Variants in CFDP1 observed in about 807,000 individuals in gnomAD.
CFDP1 encodes chromatin remodeling protein CFDP1, also known as heterochromatin-stabilizing protein CFDP1.
A neutral mutation model predicts 40.1 loss-of-function variants in CFDP1; 31 were observed. That is an observed-to-expected ratio of 0.77 (90% CI 0.58 to 1.04). The LOEUF (loss-of-function observed/expected upper bound fraction) is 1.04, where lower values mean the gene tolerates loss of function less well. Ranked by LOEUF, CFDP1 falls within the 50% of genes least tolerant of loss-of-function variation. CFDP1 has a pLI of 0.00. For missense variants in CFDP1, 423 were observed against 343.4 expected, an observed-to-expected ratio of 1.23 and a Z score of -1.83; for synonymous variants, 167 against 120.0, an observed-to-expected ratio of 1.39 and a Z score of -2.56.
chr16:75,304,927 G>T, intron 6 of CFDP1, 97 bp downstream of exon 6: 1 of 1,262,884 alleles, frequency 7.9e-7, no homozygotes, highest in Non-Finnish European at 1.1e-6. Context: ...ATCATGAAAA[G>T]CTCCTGCTTG....
intron 6 of CFDP1, among the ~76,000 whole-genome samples, chr16:75,298,076 A>G (rs866660012): frequency 3.7e-4 from 56 of 152,224 alleles, no homozygotes; most frequent in African/African-American, 1.3e-3. Flanking sequence ...TTCAAGCACA[A>G]AATTATTTAA....
chr16:75,422,898 C>A (rs1179991682), intron 1 of CFDP1, among the ~76,000 whole-genome samples: 2 of 151,678 alleles, frequency 1.3e-5, no homozygotes, highest in Admixed American at 1.3e-4. Context: ...AATGCCAGCA[C>A]TTTGGGAGGC....
chr16:75,295,363 C>G (rs143167527), intron 6 of CFDP1, among the ~76,000 whole-genome samples: 26 of 152,202 alleles, frequency 1.7e-4, no homozygotes, highest in Non-Finnish European at 3.5e-4. Context: ...AGTCACTTAA[C>G]CTTGCTAGTT....
At chr16:75,411,014 T>C (rs1597393802) in intron 4 of CFDP1, among the ~76,000 whole-genome samples, 1 of 142,472 alleles carries the variant, frequency 7.0e-6, no homozygotes, top group South Asian at 2.2e-4. Context: ...AGGTCAGGAG[T>C]TCAAGACCAG....
intron 2 of CFDP1, among the ~76,000 whole-genome samples, chr16:75,413,380 T>C (rs2079178917): frequency 6.6e-6 from 1 of 152,032 alleles, no homozygotes; most frequent in South Asian, 2.1e-4. Context: ...TTTTACTTCA[T>C]ATAAACTTTC....
intron 5 of CFDP1, among the ~76,000 whole-genome samples, chr16:75,350,551 CACTT>C (rs2078603788): frequency 6.6e-6 from 1 of 152,080 alleles, no homozygotes; most frequent in Non-Finnish European, 1.5e-5. Flanking sequence ...TTTAATCAGA[CACTT>C]AATTGGCCAT....
chr16:75,293,813 A>G lies in CFDP1; in HGVS notation c.*139T>C, dbSNP rs11552522. ...ATGAAACCATTTGTGATTAAGATAC[A>G]TAGACAGAACTTCAATGTAGAAAAA... On this transcript the variant is annotated 3_prime_UTR_variant, in exon 7 of 7. Coordinates refer to ENST00000283882, the MANE Select transcript of CFDP1 (RefSeq NM_006324.3). 0.038 allele frequency: 24,432 copies of G among 641,860 alleles called. 613 individuals are homozygous for G. Among genetic ancestry groups the G allele is most frequent in the Middle Eastern group, 0.068 (268 of 3,968 alleles). 39.8% of individuals were successfully genotyped at this position (641,860 alleles called of 1,614,324 possible). A position where few individuals can be genotyped will look rare whatever the true frequency, so the allele number is the denominator to read the frequency against.
At chr16:75,408,462 C>T (rs11864102) in intron 4 of CFDP1, among the ~76,000 whole-genome samples, 78,758 of 151,794 alleles carry the variant, frequency 0.52, 21,485 homozygotes, top group Admixed American at 0.64. Flanking sequence ...AGCTCTTTCA[C>T]CACAATAAAA....
chr16:75,333,313 CG>C (rs2151516191), intron 5 of CFDP1, among the ~76,000 whole-genome samples: 1 of 150,668 alleles, frequency 6.6e-6, no homozygotes, highest in African/African-American at 2.4e-5. Flanking sequence ...TTAGTAGAGA[CG>C]GGGTTTCACC....
intron 5 of CFDP1, among the ~76,000 whole-genome samples, chr16:75,356,208 T>C (rs781159793): frequency 2.0e-5 from 3 of 152,212 alleles, no homozygotes; most frequent in African/African-American, 4.8e-5. Context: ...TTATTAAATG[T>C]ATTTAAGTAA....
intron 4 of CFDP1, among the ~76,000 whole-genome samples, chr16:75,405,979 C>A (rs1039618346): frequency 5.3e-5 from 8 of 151,278 alleles, no homozygotes; most frequent in African/African-American, 1.2e-4. Flanking sequence ...TGGTGGCTCA[C>A]ACCTGTAATC....
At chr16:75,345,086 G>A (rs2078552989) in intron 5 of CFDP1, among the ~76,000 whole-genome samples, 1 of 152,082 alleles carries the variant, frequency 6.6e-6, no homozygotes, top group African/African-American at 2.4e-5. Flanking sequence ...AGCACTTTGG[G>A]AGACTGAGGC....
intron 5 of CFDP1, among the ~76,000 whole-genome samples, chr16:75,334,199 C>CACCCTAACCCTAACCCTAACCCTA (rs371461725): frequency 1.3e-5 from 2 of 149,554 alleles, no homozygotes; most frequent in African/African-American, 5.0e-5. Flanking sequence ...CTCCTCGCAG[C>CACCCTAACCCTAACCCTAACCCTA]ACCCTAACCC....
chr16:75,330,626 T>G (rs1201309905), intron 5 of CFDP1, among the ~76,000 whole-genome samples: 1 of 152,102 alleles, frequency 6.6e-6, no homozygotes, highest in African/African-American at 2.4e-5. Context: ...AAGTTTGGCT[T>G]CAGGACAGAG....
At chr16:75,429,814 A>G (rs1173182060) in intron 1 of CFDP1, among the ~76,000 whole-genome samples, 1 of 152,222 alleles carries the variant, frequency 6.6e-6, no homozygotes, top group Non-Finnish European at 1.5e-5. Context: ...GAGTCAAATT[A>G]GCAGTGTCGA....
At chr16:75,368,273 T>G (rs2078729777) in intron 5 of CFDP1, among the ~76,000 whole-genome samples, 1 of 152,216 alleles carries the variant, frequency 6.6e-6, no homozygotes, top group African/African-American at 2.4e-5. Flanking sequence ...TAATGGTAAT[T>G]GCTTTTAAAA....
At chr16:75,399,744 G>T (rs868213744) in intron 4 of CFDP1, among the ~76,000 whole-genome samples, 1 of 152,212 alleles carries the variant, frequency 6.6e-6, no homozygotes, top group Admixed American at 6.5e-5. Flanking sequence ...CACTTTGGGA[G>T]GCCAAGGGCG....
Position 75,362,336 on chromosome 16 carries a change from T to C in CFDP1, c.650+32754A>G, listed in dbSNP as rs936769149. On this transcript the variant is annotated intron_variant, in intron 5 of 6. Transcript: ENST00000283882. Reference sequence around the variant, plus strand: ...CCTCTAGGAGGGCTGATATCAACACTGTGCTGAAAGGCAAGGGGGGTCAAG... The same window carrying C: ...CCTCTAGGAGGGCTGATATCAACACCGTGCTGAAAGGCAAGGGGGGTCAAG... Among the ~76,000 whole-genome samples the C allele has an allele frequency of 2.0e-5, 3 of 152,310 alleles. No individual in the cohort carries two copies. In the South Asian group the frequency reaches 6.2e-4, roughly 32 times the overall value.
Position 75,305,201 on chromosome 16 carries a change from A to G in CFDP1, c.651-19T>C. On this transcript the variant is annotated intron_variant, in intron 5 of 6. Transcript: ENST00000283882. ...TTTTAACCTAAGGAAAGAAAATATG[A>G]AAGATGTAGCAGGTAAAAACTCTGA... 1 of 1,612,170 alleles carries G rather than the reference A, an allele frequency of 6.2e-7. No homozygotes were observed. Among genetic ancestry groups the G allele is most frequent in the Admixed American group, 1.7e-5 (1 of 59,620 alleles).
Sources: gnomAD v4.1 joint callset for allele counts (sites outside exome capture counted in the v4.1 genomes callset) on GRCh38, gnomAD v4.1.1 for gene constraint, MANE v1.5 for transcripts, NCBI Gene and HGNC (gene_info 2026-07-23, HGNC 2026-07-21) for gene names.